The following NOL4 variants were observed in gnomAD, a reference collection of about 807,000 sequenced individuals.
NOL4 encodes cancer/testis antigen 125.
NOL4 carries 17 observed loss-of-function variants against 75.9 expected under a neutral mutation model. That is an observed-to-expected ratio of 0.22 (90% CI 0.15 to 0.34). The LOEUF is 0.34. Among genes scored for constraint, NOL4 ranks in the 10% least tolerant of loss-of-function variants. The pLI is 1.00. For synonymous variants in NOL4, 292 were observed against 289.9 expected, an observed-to-expected ratio of 1.01 and a Z score of -0.07; for missense variants, 614 against 793.5, an observed-to-expected ratio of 0.77 and a Z score of 2.72.
intron 10 of NOL4, among the ~76,000 whole-genome samples, chr18:33,865,669 C>T (rs573799667): frequency 6.6e-6 from 1 of 152,126 alleles, no homozygotes. Context: ...GTCTTGGAAC[C>T]CTCCATCTTC....
At chr18:34,176,873 T>G (rs535970277) in intron 1 of NOL4, among the ~76,000 whole-genome samples, 1 of 152,200 alleles carries the variant, frequency 6.6e-6, no homozygotes, top group Admixed American at 6.6e-5. Context: ...AAGCTACCTA[T>G]ATACATCACA....
At chr18:33,897,369 C>G (rs1412934510) in intron 9 of NOL4, among the ~76,000 whole-genome samples, 1 of 152,098 alleles carries the variant, frequency 6.6e-6, no homozygotes, top group Non-Finnish European at 1.5e-5. Context: ...AACTTAAATG[C>G]CCATCAATGG....
chr18:34,138,587 T>C (rs923744783), intron 1 of NOL4, among the ~76,000 whole-genome samples: 1 of 152,162 alleles, frequency 6.6e-6, no homozygotes, highest in South Asian at 2.1e-4. Flanking sequence ...TTATACACTT[T>C]ATATGATTAC....
intron 2 of NOL4, among the ~76,000 whole-genome samples, chr18:34,111,912 T>C (rs1344132488): frequency 1.3e-5 from 2 of 152,156 alleles, no homozygotes; most frequent in Non-Finnish European, 2.9e-5. Flanking sequence ...CCAGCCATTA[T>C]AGAAAACAAT....
chr18:33,995,669 A>G (rs1000589465), intron 6 of NOL4, among the ~76,000 whole-genome samples: 1 of 151,736 alleles, frequency 6.6e-6, no homozygotes, highest in Admixed American at 6.6e-5. Flanking sequence ...TTACCTTTTG[A>G]TTTCTTCATT....
At chr18:34,158,414 C>G (rs2030834361) in intron 1 of NOL4, among the ~76,000 whole-genome samples, 1 of 152,268 alleles carries the variant, frequency 6.6e-6, no homozygotes, top group Middle Eastern at 3.4e-3. Flanking sequence ...ATTTACCCCC[C>G]ACCCTCGAGT....
chr18:33,912,140 A>C (rs2066445749), intron 9 of NOL4, among the ~76,000 whole-genome samples: 1 of 152,046 alleles, frequency 6.6e-6, no homozygotes, highest in Non-Finnish European at 1.5e-5. Context: ...GTGGCTTCTA[A>C]TTGATGTCAC....
At chr18:34,050,769 T>C (rs1426700305) in intron 5 of NOL4, among the ~76,000 whole-genome samples, 1 of 151,938 alleles carries the variant, frequency 6.6e-6, no homozygotes, top group Non-Finnish European at 1.5e-5. Flanking sequence ...ATAGGGAAAA[T>C]GAGAGTAGGA....
chr18:34,094,429 T>C (rs1230456197), intron 4 of NOL4, among the ~76,000 whole-genome samples: 1 of 152,116 alleles, frequency 6.6e-6, no homozygotes, highest in East Asian at 1.9e-4. Flanking sequence ...CTAGGTAAAA[T>C]TGTGCATGAA....
chr18:33,983,798 A>G (rs532954472), intron 6 of NOL4, among the ~76,000 whole-genome samples: 2 of 152,156 alleles, frequency 1.3e-5, no homozygotes, highest in South Asian at 4.2e-4. Context: ...AGTTAAACCA[A>G]AAGCTTAGTT....
At chr18:33,854,180 C>G (rs890663832) in intron 10 of NOL4, among the ~76,000 whole-genome samples, 1 of 152,192 alleles carries the variant, frequency 6.6e-6, no homozygotes, top group South Asian at 2.1e-4. Context: ...TGAACTAAAA[C>G]AAGAGATGTT....
At chr18:34,161,466 C>G (rs1384524032) in intron 1 of NOL4, among the ~76,000 whole-genome samples, 1 of 152,056 alleles carries the variant, frequency 6.6e-6, no homozygotes, top group African/African-American at 2.4e-5. Flanking sequence ...GAAATAAACA[C>G]TATTATGTTT....
chr18:34,222,472 C>T, intron 1 of NOL4: 1 of 1,092,836 alleles, frequency 9.2e-7, no homozygotes, highest in Non-Finnish European at 1.1e-6. Flanking sequence ...ACGATAAAAC[C>T]TGACAGTGTC....
intron 1 of NOL4, among the ~76,000 whole-genome samples, chr18:34,184,960 G>A (rs2034341548): frequency 6.6e-6 from 1 of 152,094 alleles, no homozygotes; most frequent in African/African-American, 2.4e-5. Flanking sequence ...AACCTGTGGA[G>A]GCTAAATAGG....
At chr18:33,975,169 G>C (rs2071391396) in intron 6 of NOL4, among the ~76,000 whole-genome samples, 1 of 152,168 alleles carries the variant, frequency 6.6e-6, no homozygotes, top group Non-Finnish European at 1.5e-5. Flanking sequence ...CTGGGAGAAG[G>C]AAGCAAAGGG....
chr18:33,977,878 A>G (rs1300181204), intron 6 of NOL4, among the ~76,000 whole-genome samples: 1 of 152,160 alleles, frequency 6.6e-6, no homozygotes, highest in African/African-American at 2.4e-5. Context: ...GACTGGAAAA[A>G]GACTTCACAT....
chr18:33,892,838 T>A (rs186819414), intron 9 of NOL4, among the ~76,000 whole-genome samples: 98 of 152,050 alleles, frequency 6.4e-4, no homozygotes, highest in Non-Finnish European at 1.2e-3. Context: ...TTTCTTTTTT[T>A]AGTTTTTGTA....
At chr18:34,050,704 A>T (rs932130362) in intron 5 of NOL4, among the ~76,000 whole-genome samples, 1 of 152,110 alleles carries the variant, frequency 6.6e-6, no homozygotes, top group African/African-American at 2.4e-5. Flanking sequence ...CTAATTTTTC[A>T]ACATAATATT....
At chr18:34,217,034 T>C (rs2036939234) in intron 1 of NOL4, among the ~76,000 whole-genome samples, 1 of 152,160 alleles carries the variant, frequency 6.6e-6, no homozygotes. Flanking sequence ...TCTTTTGGCA[T>C]ATATTTCTAG....
Sources: allele counts gnomAD v4.1 joint callset (sites outside exome capture counted in the v4.1 genomes callset), GRCh38; gene constraint gnomAD v4.1.1; transcripts MANE v1.5; gene names NCBI Gene and HGNC (gene_info 2026-07-23, HGNC 2026-07-21).